Variants in EVC observed in about 807,000 individuals in gnomAD.
EVC encodes the protein EvC ciliary complex subunit 1, also known as evC complex member EVC.
In EVC, 116 loss-of-function variants were observed where a neutral mutation model predicts 118.9. The ratio of observed to expected loss-of-function variants is 0.98; its 90% confidence interval spans 0.84 to 1.14. The LOEUF is 1.14. Among genes scored for constraint, EVC ranks in the 50% most tolerant of loss-of-function variants. EVC has a pLI of 0.00. For missense variants in EVC, 1,401 were observed against 1,246.4 expected, an observed-to-expected ratio of 1.12 and a Z score of -1.87; for synonymous variants, 619 against 534.7, an observed-to-expected ratio of 1.16 and a Z score of -2.18.
chr4:5,747,556 T>A (rs1332458181), intron 7 of EVC, among the ~76,000 whole-genome samples: 1 of 152,204 alleles, frequency 6.6e-6, no homozygotes, highest in Non-Finnish European at 1.5e-5. Context: ...AGTGTCATTG[T>A]CCTTAGAGCT....
At chr4:5,718,530 T>C (rs1407481810) in intron 1 of EVC, among the ~76,000 whole-genome samples, 1 of 151,950 alleles carries the variant, frequency 6.6e-6, no homozygotes, top group Non-Finnish European at 1.5e-5. Flanking sequence ...AAAACTGTGC[T>C]ACTAGAGTAT....
chr4:5,747,329 A>T (rs1729516616), intron 7 of EVC, among the ~76,000 whole-genome samples: 1 of 152,126 alleles, frequency 6.6e-6, no homozygotes, highest in South Asian at 2.1e-4. Context: ...AGCCTCTCAG[A>T]GGCTGAGCCA....
At chr4:5,760,352 G>GC (rs1192936930) in intron 11 of EVC, among the ~76,000 whole-genome samples, 1 of 152,018 alleles carries the variant, frequency 6.6e-6, no homozygotes, top group Non-Finnish European at 1.5e-5. Flanking sequence ...TAGTTGCTGG[G>GC]CCTGTGAGAG....
intron 9 of EVC, 62 bp downstream of exon 9, chr4:5,753,114 G>A: frequency 1.4e-6 from 2 of 1,450,736 alleles, no homozygotes; most frequent in Non-Finnish European, 1.9e-6. Flanking sequence ...CTGGGGCTGT[G>A]CAGTGAGAGG....
rs1734566904 is a variant in EVC at position 5,775,368 on chromosome 4, C to G, written c.1564-8184C>G. Among the ~76,000 whole-genome samples, 6 of 152,216 alleles carry G rather than the reference C, an allele frequency of 3.9e-5. 1 individual carries two copies. The South Asian group carries it at 1.2e-3, about 32-fold the overall frequency. On this transcript the variant is annotated intron_variant, in intron 11 of 20. Transcript: ENST00000264956. ...AATGTAGCTGGGACCCCAGAACACC[C>G]CCAATGCCTCCTCCCCATCCTAACA...
At chr4:5,726,583 T>TTTA (rs397992166) in intron 2 of EVC, among the ~76,000 whole-genome samples, 9 of 148,312 alleles carry the variant, frequency 6.1e-5, no homozygotes, top group East Asian at 2.0e-4. Flanking sequence ...TTTTTTTTTT[T>TTTA]ATTATACTTT....
At chr4:5,745,075 G>A in intron 6 of EVC, 129 bp from the exon 7 acceptor site, 2 of 869,888 alleles carry the variant, frequency 2.3e-6, no homozygotes, top group South Asian at 3.4e-5. Flanking sequence ...ACAACCCCCA[G>A]AGCATTTAAC....
chr4:5,740,508 GAA>G (rs1728373010), intron 5 of EVC, among the ~76,000 whole-genome samples: 2 of 150,168 alleles, frequency 1.3e-5, no homozygotes, highest in Admixed American at 1.3e-4. Context: ...AAATATAAGA[GAA>G]ATTCTCCAGG....
At chr4:5,818,491 A>C (rs1426431450), downstream of EVC, among the ~76,000 whole-genome samples, 1 of 152,228 alleles carries the variant, frequency 6.6e-6, no homozygotes, top group East Asian at 1.9e-4. Flanking sequence ...CCAATGTGGC[A>C]GTACTGAAAG....
chr4:5,800,041 C>CA (rs1399791338), intron 15 of EVC, among the ~76,000 whole-genome samples: 2 of 152,236 alleles, frequency 1.3e-5, no homozygotes, highest in South Asian at 2.1e-4. Context: ...TTCACAATTA[C>CA]AAAAAAGTAA....
chr4:5,779,000 C>G lies in EVC; in HGVS notation c.1564-4552C>G, dbSNP rs1480442142. Among the ~76,000 whole-genome samples the G allele has an allele frequency of 1.3e-3, 192 of 152,234 alleles. 1 individual carries two copies. Among genetic ancestry groups the G allele is most frequent in the Non-Finnish European group, 2.3e-3 (154 of 68,034 alleles). On this transcript the variant is annotated intron_variant, in intron 11 of 20. Coordinates refer to ENST00000264956, the MANE Select transcript of EVC (RefSeq NM_153717.3). ...TCTAATGTTTAAGTCTTTAATCCAT[C>G]TTGAATTGATTTTTGTATAAGGTGT...
At chr4:5,766,170 T>C (rs1732830770) in intron 11 of EVC, among the ~76,000 whole-genome samples, 1 of 150,292 alleles carries the variant, frequency 6.7e-6, no homozygotes, top group Admixed American at 6.6e-5. Context: ...TGAAGCATAG[T>C]TTGGCTGGAT....
Position 5,748,057 on chromosome 4 carries a change from G to A in EVC, c.940-91G>A, listed in dbSNP as rs4689312. ...TTGTTTAGAATCTTTGTTTGTGATA[G>A]GGAGTGAATTGTAATTCCCGAGCAC... is the stretch of plus-strand genomic sequence containing the variant. On this transcript the variant is annotated intron_variant, in intron 7 of 20. Coordinates refer to ENST00000264956, the MANE Select transcript of EVC (RefSeq NM_153717.3). 525,063 of 1,320,422 alleles carry A rather than the reference G, an allele frequency of 0.4. 108,081 individuals are homozygous for A. The highest frequency in any genetic ancestry group is 0.64 in the East Asian group (27,682 of 43,312). The allele number at this position is 1,320,422 out of a possible 1,614,324, so 81.8% of individuals were successfully genotyped here.
At position 5,756,489 on chromosome 4, in the gene EVC, T is replaced by C; in HGVS notation, c.1563+127T>C. 8 of 770,060 alleles carry C rather than the reference T, an allele frequency of 1.0e-5. No individual in the cohort carries two copies. The highest frequency in any genetic ancestry group is 1.3e-5 in the Non-Finnish European group (6 of 448,054). 47.7% of individuals were successfully genotyped at this position (770,060 alleles called of 1,614,324 possible). A position where few individuals can be genotyped will look rare whatever the true frequency, so the allele number is the denominator to read the frequency against. On this transcript the variant is annotated intron_variant, in intron 11 of 20. Transcript: ENST00000264956. This position sits in a 1 kb window ranked among gnomAD's most constrained non-coding sequence, Gnocchi z 4.2. Reference sequence around the variant, plus strand: ...CAACCCCGCACTCATTGGCCGGTGATCCACGCAGGCTGTGTCCCCTCCATG... The same window carrying C: ...CAACCCCGCACTCATTGGCCGGTGACCCACGCAGGCTGTGTCCCCTCCATG...
intron 10 of EVC, 55 bp downstream of exon 10, chr4:5,753,988 C>A: frequency 1.2e-6 from 2 of 1,607,766 alleles, no homozygotes; most frequent in South Asian, 1.1e-5. Flanking sequence ...TAGCTCTGTT[C>A]CCGTGACTGA....
chr4:5,809,677 C>T (rs1380466480), intron 19 of EVC, 66 bp downstream of exon 19: 2 of 1,357,586 alleles, frequency 1.5e-6, no homozygotes, highest in African/African-American at 1.4e-5. Flanking sequence ...ATTCTAGTTC[C>T]ACACTGGCCA....
At chr4:5,807,526 T>C (rs187376527) in intron 17 of EVC, among the ~76,000 whole-genome samples, 181 of 152,218 alleles carry the variant, frequency 1.2e-3, no homozygotes, top group African/African-American at 4.0e-3. Context: ...GGAGCAATAA[T>C]GGAAACAGGG....
At position 5,802,051 on chromosome 4, in the gene EVC, G is replaced by C. The variant is rs747188003; in HGVS notation, c.2406G>C (p.Glu802Asp). 3.1e-6 allele frequency: 5 copies of C among 1,614,230 alleles called. No homozygotes were observed. The highest frequency in any genetic ancestry group is 4.2e-6 in the Non-Finnish European group (5 of 1,180,034). The change falls in exon 16 of 21, where the codon GAG (glutamate) becomes GAC (aspartate). Residue 802 changes from glutamate (E) to aspartate (D), a missense_variant. Physicochemically the swap from Glu to Asp is conservative, Grantham distance 45. Coordinates refer to ENST00000264956, the MANE Select transcript of EVC (RefSeq NM_153717.3). Reference sequence around the variant, plus strand: ...ACCAGCAAATCGGAAGGATCATGGAGGACCACGAGGAGAGAAAACTGCAGC... The same window carrying C: ...ACCAGCAAATCGGAAGGATCATGGACGACCACGAGGAGAGAAAACTGCAGC... ...AYYQQIGRIM[E>D]DHEERKLQHL...
chr4:5,722,499 G>A (rs1035726857), intron 2 of EVC, among the ~76,000 whole-genome samples: 5 of 152,114 alleles, frequency 3.3e-5, no homozygotes, highest in African/African-American at 1.2e-4. Context: ...TAACTTTCTT[G>A]TCCTCTAGTG....
Sources: allele counts gnomAD v4.1 joint callset (sites outside exome capture counted in the v4.1 genomes callset), GRCh38; gene constraint gnomAD v4.1.1; non-coding constraint Gnocchi (gnomAD v3.1); transcripts MANE v1.5; gene names NCBI Gene and HGNC (gene_info 2026-07-23, HGNC 2026-07-21).